The following KHDRBS2 variants were observed in gnomAD, a reference collection of about 807,000 sequenced individuals.
The protein encoded by KHDRBS2 is KH RNA binding domain containing, signal transduction associated 2, also known as KH domain-containing, RNA-binding, signal transduction-associated protein 2.
In KHDRBS2, 26 loss-of-function variants were observed where a neutral mutation model predicts 44.3. The observed-to-expected ratio is 0.59, with a 90% CI of 0.43 to 0.81. The LOEUF is 0.81. Ranked by LOEUF, KHDRBS2 falls within the 40% of genes least tolerant of loss-of-function variation. The probability of loss-of-function intolerance (pLI) is 0.00; values close to 1 mark genes in which losing one functional copy is unlikely to be tolerated. For missense variants in KHDRBS2, 476 were observed against 433.1 expected (o/e 1.10, Z -0.88); for synonymous variants, 194 against 151.1 (o/e 1.28, Z -2.08).
At chr6:61,571,767 A>AC in the KHDRBS2 span, among the ~76,000 whole-genome samples, 1 of 152,104 alleles carries the variant, frequency 6.6e-6, no homozygotes, top group Non-Finnish European at 1.5e-5. Context: ...GGAACTCTCA[A>AC]AATATACAAA....
chr6:61,732,683 T>C lies in KHDRBS2; in HGVS notation c.892A>G (p.Ser298Gly), dbSNP rs1393944606. The part of the protein sequence containing the change: ...YDNSYATQTQ[S>G]VPEYYDYGHG... ...TGCTTTAGATAGCAAATGCCTTACC[T>C]TTGTGTTTGGGTCGCATAGCTGTTA... Residue 298 changes from serine to glycine, a missense_variant and splice_region_variant, in exon 7 of 9, where the codon AGT (serine) becomes GGT (glycine). Transcript: ENST00000281156. 6.3e-7 allele frequency: 1 copy of C among 1,592,944 alleles called. No homozygotes were observed. The highest frequency in any genetic ancestry group is 1.3e-5 in the African/African-American group (1 of 74,434).
intron 2 of KHDRBS2, among the ~76,000 whole-genome samples, chr6:62,081,288 G>T (rs1797342859): frequency 6.6e-6 from 1 of 152,088 alleles, no homozygotes; most frequent in African/African-American, 2.4e-5. Context: ...GGGGTTAAAT[G>T]ACTTCTTAAG....
chr6:62,267,176 A>G (rs1394442778), intron 1 of KHDRBS2, among the ~76,000 whole-genome samples: 1 of 152,064 alleles, frequency 6.6e-6, no homozygotes. Context: ...AGAAAAGGAC[A>G]TATCTTGCAA....
At chr6:61,864,130 A>AT (rs1384011703) in intron 6 of KHDRBS2, among the ~76,000 whole-genome samples, 3 of 151,150 alleles carry the variant, frequency 2.0e-5, no homozygotes, top group Admixed American at 6.6e-5. Context: ...CCTGTTTTCC[A>AT]TTTTTTCTCC....
intron 4 of KHDRBS2, among the ~76,000 whole-genome samples, chr6:61,948,672 T>TATTATTATTATTATC (rs1434072656): frequency 2.0e-5 from 3 of 148,008 alleles, no homozygotes; most frequent in Non-Finnish European, 4.5e-5. Context: ...TTATTATTAT[T>TATTATTATTATTATC]ATTATTATTA....
chr6:61,708,811 C>A (rs764633716), intron 7 of KHDRBS2, among the ~76,000 whole-genome samples: 1 of 151,702 alleles, frequency 6.6e-6, no homozygotes, highest in Non-Finnish European at 1.5e-5. Context: ...CCACTCACAG[C>A]CAACTTATTG....
At chr6:61,568,415 A>G in the KHDRBS2 span, among the ~76,000 whole-genome samples, 1 of 152,194 alleles carries the variant, frequency 6.6e-6, no homozygotes, top group Non-Finnish European at 1.5e-5. Flanking sequence ...AGCAGATAAG[A>G]GACAGGGCTA....
At chr6:62,246,665 C>A (rs1416970206) in intron 1 of KHDRBS2, among the ~76,000 whole-genome samples, 2 of 151,870 alleles carry the variant, frequency 1.3e-5, no homozygotes, top group Admixed American at 6.6e-5. Flanking sequence ...AAAAATCAAC[C>A]CCCATGTATC....
At chr6:61,758,630 T>C (rs1778848015) in intron 6 of KHDRBS2, among the ~76,000 whole-genome samples, 1 of 152,066 alleles carries the variant, frequency 6.6e-6, no homozygotes, top group Non-Finnish European at 1.5e-5. Context: ...ATTTTATAAT[T>C]GTACCAAATA....
the KHDRBS2 span, among the ~76,000 whole-genome samples, chr6:61,592,995 T>A: frequency 6.6e-6 from 1 of 151,944 alleles, no homozygotes; most frequent in African/African-American, 2.4e-5. Flanking sequence ...TGCAAACAGA[T>A]CTTTAAGGGG....
intron 1 of KHDRBS2, among the ~76,000 whole-genome samples, chr6:62,265,400 T>C (rs1454811582): frequency 1.3e-5 from 2 of 151,858 alleles, no homozygotes; most frequent in Non-Finnish European, 2.9e-5. Context: ...AGGATTACAG[T>C]GAGAGGAGTG....
chr6:61,907,016 A>G (rs1372606282), intron 4 of KHDRBS2, among the ~76,000 whole-genome samples: 1 of 152,086 alleles, frequency 6.6e-6, no homozygotes, highest in Non-Finnish European at 1.5e-5. Flanking sequence ...ACAAATTTAC[A>G]TTCCCACCAA....
chr6:61,680,926 A>G lies in KHDRBS2; in HGVS notation c.*37T>C. ...TTTATGTGGAGACCACAGGCTATGA[A>G]TTGTCTTTGAGGTGAGGTCACAGGT... is the stretch of plus-strand genomic sequence containing the variant. On this transcript the variant is annotated 3_prime_UTR_variant, in exon 9 of 9. Transcript: ENST00000281156. 7.5e-7 allele frequency: 1 copy of G among 1,325,674 alleles called. No individual in the cohort carries two copies. The highest frequency in any genetic ancestry group is 1.4e-5 in the African/African-American group (1 of 69,322). The allele number at this position is 1,325,674 out of a possible 1,614,324, so 82.1% of individuals were successfully genotyped here. A position where few individuals can be genotyped will look rare whatever the true frequency, so the allele number is the denominator to read the frequency against.
intron 7 of KHDRBS2, among the ~76,000 whole-genome samples, chr6:61,701,245 ATG>A (rs1467385602): frequency 1.3e-5 from 2 of 151,936 alleles, no homozygotes; most frequent in African/African-American, 2.4e-5. Context: ...TCAAATAAGA[ATG>A]GTCATTTTAC....
At chr6:61,662,389 T>G in the KHDRBS2 span, among the ~76,000 whole-genome samples, 1 of 150,698 alleles carries the variant, frequency 6.6e-6, no homozygotes, top group Non-Finnish European at 1.5e-5. Context: ...AAAGCCAAAA[T>G]TGACAAATGG....
chr6:62,040,258 C>G (rs182860695), intron 3 of KHDRBS2, among the ~76,000 whole-genome samples: 1 of 151,928 alleles, frequency 6.6e-6, no homozygotes, highest in African/African-American at 2.4e-5. Context: ...TGCACGCACA[C>G]GCACACACAC....
At chr6:61,788,934 C>A (rs1326202478) in intron 6 of KHDRBS2, among the ~76,000 whole-genome samples, 5 of 151,010 alleles carry the variant, frequency 3.3e-5, no homozygotes, top group African/African-American at 1.2e-4. Context: ...ATTAGAGATA[C>A]AATAGGCTGA....
the KHDRBS2 span, among the ~76,000 whole-genome samples, chr6:61,567,723 T>G: frequency 3.5e-4 from 9 of 25,758 alleles, no homozygotes; most frequent in African/African-American, 1.3e-3. Flanking sequence ...CTCTCCCTCC[T>G]TCTCTTCCCT....
the KHDRBS2 span, among the ~76,000 whole-genome samples, chr6:61,620,097 ACG>A: frequency 6.6e-6 from 1 of 152,148 alleles, no homozygotes; most frequent in Non-Finnish European, 1.5e-5. Flanking sequence ...TCAAAACTCC[ACG>A]TGTAGTTTTT....
Sources: gnomAD v4.1 joint callset for allele counts (sites outside exome capture counted in the v4.1 genomes callset) on GRCh38, gnomAD v4.1.1 for gene constraint, MANE v1.5 for transcripts, NCBI Gene and HGNC (gene_info 2026-07-23, HGNC 2026-07-21) for gene names.